CACNA2D3: variants seen among roughly 807,000 people sequenced by gnomAD.
The protein encoded by CACNA2D3 is voltage-dependent calcium channel subunit alpha-2/delta-3.
Under a neutral mutation model 160.6 loss-of-function variants are expected in CACNA2D3, and 60 were observed. The ratio of observed to expected loss-of-function variants is 0.37; its 90% CI spans 0.30 to 0.46. The LOEUF (loss-of-function observed/expected upper bound fraction) is 0.46. Among genes scored for constraint, CACNA2D3 ranks in the 20% least tolerant of loss-of-function variants. CACNA2D3 has a pLI of 1.00. For synonymous variants in CACNA2D3, 558 were observed against 492.9 expected, an observed-to-expected ratio of 1.13 and a Z score of -1.75; for missense variants, 1,205 against 1,365.0, an observed-to-expected ratio of 0.88 and a Z score of 1.85.
chr3:54,783,177 C>T (rs12490953), intron 13 of CACNA2D3, among the ~76,000 whole-genome samples: 36,331 of 151,892 alleles, frequency 0.24, 4,435 homozygotes, highest in Admixed American at 0.29. Context: ...CCTCTGAGGC[C>T]GCTTTTAAGG....
intron 35 of CACNA2D3, among the ~76,000 whole-genome samples, chr3:55,022,584 TTC>T: frequency 6.9e-6 from 1 of 145,720 alleles, no homozygotes; most frequent in Admixed American, 6.7e-5. Flanking sequence ...CCTTCCTTCC[TTC>T]CTTTTTTCCT....
At chr3:55,001,179 A>G (rs1433333331) in intron 31 of CACNA2D3, among the ~76,000 whole-genome samples, 2 of 152,208 alleles carry the variant, frequency 1.3e-5, no homozygotes, top group East Asian at 3.9e-4. Context: ...AAGTTCCTGC[A>G]TCATCGCTTG....
At chr3:54,423,500 C>T (rs1699868388) in intron 4 of CACNA2D3, among the ~76,000 whole-genome samples, 1 of 152,124 alleles carries the variant, frequency 6.6e-6, no homozygotes, top group Non-Finnish European at 1.5e-5. Context: ...GGTACTGATT[C>T]GCTATGCTCT....
intron 9 of CACNA2D3, among the ~76,000 whole-genome samples, chr3:54,624,828 G>A (rs1247068940): frequency 3.3e-5 from 5 of 152,176 alleles, no homozygotes; most frequent in African/African-American, 1.2e-4. Flanking sequence ...CCCTAGGTGG[G>A]TGCAGGAGGG....
At chr3:54,489,121 C>T (rs901985259) in intron 4 of CACNA2D3, among the ~76,000 whole-genome samples, 4 of 152,274 alleles carry the variant, frequency 2.6e-5, no homozygotes, top group Admixed American at 6.5e-5. Flanking sequence ...GCCAGGAGGG[C>T]AGAGGCCAGA....
At chr3:54,272,512 G>A (rs1702641567) in intron 2 of CACNA2D3, among the ~76,000 whole-genome samples, 1 of 152,036 alleles carries the variant, frequency 6.6e-6, no homozygotes. Flanking sequence ...AGGTGCAAGT[G>A]ATCCCTGTTT....
intron 26 of CACNA2D3, among the ~76,000 whole-genome samples, chr3:54,898,337 C>T (rs1301061169): frequency 1.3e-5 from 2 of 151,660 alleles, no homozygotes; most frequent in African/African-American, 4.8e-5. Flanking sequence ...ATTCTCCTGC[C>T]TCAGCCTCCT....
intron 9 of CACNA2D3, among the ~76,000 whole-genome samples, chr3:54,610,453 A>G (rs1291860094): frequency 1.3e-5 from 2 of 150,182 alleles, no homozygotes; most frequent in African/African-American, 4.9e-5. Context: ...TTTTTTTTTA[A>G]GTCCGTTTCA....
intron 2 of CACNA2D3, among the ~76,000 whole-genome samples, chr3:54,292,499 A>T (rs1703234074): frequency 6.6e-6 from 1 of 152,226 alleles, no homozygotes; most frequent in Non-Finnish European, 1.5e-5. Flanking sequence ...AACACAATTT[A>T]AAAATGAACA....
chr3:54,318,366 T>C (rs575728998), intron 2 of CACNA2D3, among the ~76,000 whole-genome samples: 42 of 152,298 alleles, frequency 2.8e-4, no homozygotes, highest in Admixed American at 5.9e-4. Flanking sequence ...ATAAGATTTT[T>C]ATGGATGTTT....
At chr3:54,270,964 A>G (rs1398287163) in intron 2 of CACNA2D3, among the ~76,000 whole-genome samples, 1 of 152,150 alleles carries the variant, frequency 6.6e-6, no homozygotes, top group Non-Finnish European at 1.5e-5. Context: ...TGTTTTATGT[A>G]TTATTTTTAT....
chr3:54,723,230 G>A (rs555777024), intron 11 of CACNA2D3, among the ~76,000 whole-genome samples: 6 of 152,276 alleles, frequency 3.9e-5, no homozygotes, highest in African/African-American at 1.4e-4. Context: ...AATGGCGGAC[G>A]TCCCTCCTCC....
intron 11 of CACNA2D3, among the ~76,000 whole-genome samples, chr3:54,727,133 G>A (rs17502336): frequency 1.3e-5 from 2 of 152,222 alleles, no homozygotes; most frequent in Non-Finnish European, 2.9e-5. Context: ...AGACATTTAT[G>A]CAGCCAACAG....
At chr3:54,287,881 G>A (rs1703074878) in intron 2 of CACNA2D3, among the ~76,000 whole-genome samples, 1 of 149,788 alleles carries the variant, frequency 6.7e-6, no homozygotes, top group African/African-American at 2.5e-5. Flanking sequence ...AAACCAACGA[G>A]AACAAAGGCA....
intron 34 of CACNA2D3, among the ~76,000 whole-genome samples, chr3:55,014,073 T>C (rs73845250): frequency 0.059 from 9,019 of 152,246 alleles, 908 homozygotes; most frequent in African/African-American, 0.21. Flanking sequence ...CACTGCAGTG[T>C]GACCTTGGGC....
chr3:54,413,698 C>T (rs1047879616), intron 4 of CACNA2D3, among the ~76,000 whole-genome samples: 2 of 151,050 alleles, frequency 1.3e-5, no homozygotes, highest in African/African-American at 4.8e-5. Flanking sequence ...CATTTAGTGA[C>T]TGTTTTATTT....
intron 17 of CACNA2D3, among the ~76,000 whole-genome samples, chr3:54,851,490 T>C (rs1699056910): frequency 6.6e-6 from 1 of 152,176 alleles, no homozygotes; most frequent in Admixed American, 6.5e-5. Flanking sequence ...CCCAGTCAGT[T>C]TAGGTGTACT....
At chr3:54,530,358 G>A (rs1032400344) in intron 5 of CACNA2D3, among the ~76,000 whole-genome samples, 1 of 152,158 alleles carries the variant, frequency 6.6e-6, no homozygotes, top group Non-Finnish European at 1.5e-5. Flanking sequence ...GATGAGCCCC[G>A]TGGAGCTGGA....
chr3:54,717,580 G>C (rs531599587), intron 11 of CACNA2D3, among the ~76,000 whole-genome samples: 1 of 146,908 alleles, frequency 6.8e-6, no homozygotes, highest in Admixed American at 6.8e-5. Context: ...GTGTGTATGT[G>C]TGCGTGTGTG....
Sources: allele counts gnomAD v4.1 joint callset (sites outside exome capture counted in the v4.1 genomes callset), GRCh38; gene constraint gnomAD v4.1.1; transcripts MANE v1.5; gene names NCBI Gene and HGNC (gene_info 2026-07-23, HGNC 2026-07-21).